TRPC5: variants seen among roughly 807,000 people sequenced by gnomAD.
TRPC5 encodes short transient receptor potential channel 5.
Under a neutral mutation model 56.5 loss-of-function variants are expected in TRPC5, and 9 were observed. The ratio of observed to expected loss-of-function variants is 0.16; its 90% CI spans 0.10 to 0.28. The LOEUF is 0.28. Ranked by LOEUF, TRPC5 falls within the 10% of genes least tolerant of loss-of-function variation. The pLI, the probability that TRPC5 is intolerant of heterozygous loss-of-function variation, is 1.00. For missense variants in TRPC5, 469 were observed against 748.9 expected, an observed-to-expected ratio of 0.63 and a Z score of 4.36; for synonymous variants, 282 against 278.5, an observed-to-expected ratio of 1.01 and a Z score of -0.13.
chrX:111,888,878 C>T (rs1226420113), intron 3 of TRPC5, among the ~76,000 whole-genome samples: 1 of 110,760 alleles, frequency 9.0e-6, no homozygotes, highest in Non-Finnish European at 1.9e-5. Context: ...GCAGAGCCAA[C>T]AGGATATCCT....
chrX:111,938,646 CA>C (rs1463785339), intron 2 of TRPC5, among the ~76,000 whole-genome samples: 16 of 111,373 alleles, frequency 1.4e-4, no homozygotes, highest in Admixed American at 3.8e-4. Context: ...TGCTGGATTA[CA>C]TTTATTGATT....
intron 7 of TRPC5, among the ~76,000 whole-genome samples, chrX:111,808,137 T>C (rs765254421): frequency 9.1e-6 from 1 of 109,621 alleles, no homozygotes; most frequent in African/African-American, 3.3e-5. Context: ...CTGGCTACCA[T>C]CTATGTTTGC....
chrX:111,826,587 T>C (rs1485075171), intron 7 of TRPC5, among the ~76,000 whole-genome samples: 1 of 112,606 alleles, frequency 8.9e-6, no homozygotes, highest in Non-Finnish European at 1.9e-5. Context: ...AAATTTGAAA[T>C]GGCTTTGCTC....
intron 1 of TRPC5, among the ~76,000 whole-genome samples, chrX:111,959,212 A>T (rs183095298): frequency 1.5e-3 from 171 of 112,574 alleles, no homozygotes; most frequent in African/African-American, 5.3e-3. Context: ...AAATGCATGA[A>T]ACCAAAATTA....
intron 1 of TRPC5, among the ~76,000 whole-genome samples, chrX:112,080,484 A>G (rs1930938882): frequency 9.1e-6 from 1 of 110,268 alleles, no homozygotes; most frequent in Non-Finnish European, 1.9e-5. Flanking sequence ...GTTTATGAAA[A>G]CAGCATCTTC....
At chrX:112,075,590 C>G (rs1367496904) in intron 1 of TRPC5, among the ~76,000 whole-genome samples, 2 of 111,426 alleles carry the variant, frequency 1.8e-5, no homozygotes, top group Non-Finnish European at 3.8e-5. Flanking sequence ...ATTAGCAGAC[C>G]TTAAAATAGG....
intron 2 of TRPC5, among the ~76,000 whole-genome samples, chrX:111,951,450 C>A (rs1426257421): frequency 9.0e-6 from 1 of 111,714 alleles, no homozygotes; most frequent in Non-Finnish European, 1.9e-5. Flanking sequence ...GGGAGCCAGA[C>A]AAATAAAAGA....
At chrX:111,983,433 C>T (rs749014381) in intron 1 of TRPC5, among the ~76,000 whole-genome samples, 6 of 111,843 alleles carry the variant, frequency 5.4e-5, no homozygotes, top group African/African-American at 1.9e-4. Context: ...TAAAATCTTC[C>T]TCTGTTGAGG....
At chrX:111,821,565 G>T (rs1046291104) in intron 7 of TRPC5, among the ~76,000 whole-genome samples, 1 of 111,748 alleles carries the variant, frequency 8.9e-6, no homozygotes, top group African/African-American at 3.3e-5. Flanking sequence ...ATTGAGCCAG[G>T]CTATGGCACA....
chrX:111,857,538 T>G (rs762476493), intron 3 of TRPC5, among the ~76,000 whole-genome samples: 25 of 112,582 alleles, frequency 2.2e-4, no homozygotes, highest in Admixed American at 6.5e-4. Context: ...GTGAGACATC[T>G]AAATGGAGAT....
At chrX:111,838,049 G>A (rs1922618162) in intron 6 of TRPC5, among the ~76,000 whole-genome samples, 2 of 110,333 alleles carry the variant, frequency 1.8e-5, no homozygotes, top group South Asian at 7.9e-4. Flanking sequence ...TCCAGCCTGG[G>A]TGACAGGGCT....
At chrX:111,992,501 T>A (rs1928382132) in intron 1 of TRPC5, among the ~76,000 whole-genome samples, 1 of 111,411 alleles carries the variant, frequency 9.0e-6, no homozygotes, top group South Asian at 3.8e-4. Flanking sequence ...GACCTATGGC[T>A]GTCACTTACT....
chrX:111,916,448 G>A (rs1925978647), intron 2 of TRPC5, among the ~76,000 whole-genome samples: 1 of 111,874 alleles, frequency 8.9e-6, no homozygotes, highest in African/African-American at 3.3e-5. Context: ...TCATCTTGCT[G>A]TTTTTATTCC....
chrX:111,806,823 T>C (rs994544135), intron 7 of TRPC5, among the ~76,000 whole-genome samples: 2 of 111,220 alleles, frequency 1.8e-5, no homozygotes, highest in Non-Finnish European at 3.8e-5. Flanking sequence ...GTTTAAAGGA[T>C]ATTTTTTCAC....
chrX:111,974,636 C>T (rs751830888), intron 1 of TRPC5, among the ~76,000 whole-genome samples: 1 of 110,957 alleles, frequency 9.0e-6, no homozygotes, highest in Non-Finnish European at 1.9e-5. Context: ...TTCAGAAATA[C>T]AGCAACTGGA....
intron 7 of TRPC5, among the ~76,000 whole-genome samples, chrX:111,827,325 C>T (rs1026945153): frequency 3.6e-5 from 4 of 110,906 alleles, no homozygotes; most frequent in East Asian, 5.7e-4. Context: ...AGATACTATG[C>T]GTATGCTGGT....
At chrX:112,023,191 C>T (rs1178598157) in intron 1 of TRPC5, among the ~76,000 whole-genome samples, 1 of 106,919 alleles carries the variant, frequency 9.4e-6, no homozygotes. Flanking sequence ...GCGTCAGCCT[C>T]CCAAAGTGCT....
intron 3 of TRPC5, among the ~76,000 whole-genome samples, chrX:111,900,495 A>T (rs1023389516): frequency 8.9e-6 from 1 of 112,140 alleles, no homozygotes; most frequent in Non-Finnish European, 1.9e-5. Context: ...TGGTGAAAGA[A>T]TTTAGAAATT....
chrX:111,954,874 C>T (rs963660588), intron 1 of TRPC5, among the ~76,000 whole-genome samples: 1 of 111,713 alleles, frequency 9.0e-6, no homozygotes, highest in Non-Finnish European at 1.9e-5. Flanking sequence ...AGGCACTGTG[C>T]CAGAAGCTGG....
Sources: allele counts gnomAD v4.1 joint callset (sites outside exome capture counted in the v4.1 genomes callset), GRCh38; gene constraint gnomAD v4.1.1; transcripts MANE v1.5; gene names NCBI Gene and HGNC (gene_info 2026-07-23, HGNC 2026-07-21).